Variants in PRRG4 observed in about 807,000 individuals in gnomAD.
PRRG4 encodes the protein proline rich and Gla domain 4.
PRRG4 carries 12 observed loss-of-function variants against 20.0 expected under a neutral mutation model. That is an observed-to-expected ratio of 0.60 (90% CI 0.38 to 0.97). The LOEUF is 0.97. Ranked by LOEUF, PRRG4 falls within the 50% of genes least tolerant of loss-of-function variation. PRRG4 has a pLI of 0.00. For missense variants in PRRG4, 199 were observed against 265.1 expected (o/e 0.75, Z 1.73); for synonymous variants, 94 against 96.4 (o/e 0.98, Z 0.15).
intron 5 of PRRG4, among the ~76,000 whole-genome samples, chr11:32,848,549 G>A (rs920888712): frequency 1.3e-5 from 2 of 151,414 alleles, no homozygotes; most frequent in African/African-American, 2.4e-5. Flanking sequence ...GATTAAAATG[G>A]AAAATTTAAT....
At chr11:32,843,846 T>C (rs1307094648) in intron 5 of PRRG4, among the ~76,000 whole-genome samples, 1 of 152,142 alleles carries the variant, frequency 6.6e-6, no homozygotes, top group Non-Finnish European at 1.5e-5. Context: ...GTCTCTGAAT[T>C]TTACTACAAT....
At chr11:32,845,920 C>T (rs1229188753) in intron 5 of PRRG4, among the ~76,000 whole-genome samples, 5 of 151,788 alleles carry the variant, frequency 3.3e-5, no homozygotes, top group South Asian at 2.1e-4. Context: ...TTTGGGAAGC[C>T]GAGGCAGGAA....
intron 5 of PRRG4, among the ~76,000 whole-genome samples, chr11:32,843,879 A>G (rs755982217): frequency 6.6e-6 from 1 of 152,180 alleles, no homozygotes; most frequent in Non-Finnish European, 1.5e-5. Context: ...AAGTGGAATC[A>G]TACAGTATTA....
intron 2 of PRRG4, 45 bp downstream of exon 2, chr11:32,830,677 A>G: frequency 6.2e-7 from 1 of 1,611,922 alleles, no homozygotes; most frequent in Non-Finnish European, 8.5e-7. Flanking sequence ...CATAGCACAG[A>G]TCTCAGTGAG....
chr11:32,839,859 A>T (rs183811190), intron 4 of PRRG4, among the ~76,000 whole-genome samples: 3,207 of 147,088 alleles, frequency 0.022, 53 homozygotes, highest in Non-Finnish European at 0.035. Context: ...ATATTTAAAA[A>T]ATATATATAT....
At chr11:32,835,342 T>C (rs563508476) in intron 2 of PRRG4, among the ~76,000 whole-genome samples, 6 of 152,380 alleles carry the variant, frequency 3.9e-5, no homozygotes, top group African/African-American at 1.4e-4. Flanking sequence ...TTCAATTGCC[T>C]ACTTTAATAC....
intron 5 of PRRG4, among the ~76,000 whole-genome samples, chr11:32,842,580 C>T (rs951761530): frequency 2.6e-5 from 4 of 151,724 alleles, no homozygotes; most frequent in Non-Finnish European, 5.9e-5. Context: ...ATTAGCCAGG[C>T]GTGGTGGCAC....
rs754511032 is a variant in PRRG4, at chr11:32,840,251, G to C, written c.449+12G>C. The C allele has an allele frequency of 2.6e-6, 4 of 1,561,172 alleles. No homozygotes were observed. The highest frequency in any genetic ancestry group is 2.3e-5 in the East Asian group (1 of 44,346). On this transcript the variant is annotated intron_variant, in intron 5 of 5. Coordinates refer to ENST00000257836, the MANE Select transcript of PRRG4 (RefSeq NM_024081.6). This position sits in a 1 kb window ranked among gnomAD's most constrained non-coding sequence, Gnocchi z 4.1. The stretch of plus-strand genomic sequence containing the variant: ...CTACAACATCCATGGTAAGTACTAA[G>C]TGAAATTATTTAATTCATCACTAGA...
chr11:32,845,673 TCAA>T (rs1851123618), intron 5 of PRRG4, among the ~76,000 whole-genome samples: 1 of 2,414 alleles, frequency 4.1e-4, no homozygotes, highest in Non-Finnish European at 5.4e-4. Flanking sequence ...GCTAGGAATG[TCAA>T]GTCAAGCAGG....
At chr11:32,849,617 T>C (rs1295653037) in intron 5 of PRRG4, among the ~76,000 whole-genome samples, 2 of 152,120 alleles carry the variant, frequency 1.3e-5, no homozygotes, top group African/African-American at 2.4e-5. Flanking sequence ...TGAGCCCAGA[T>C]TGCGCTTCTG....
At chr11:32,832,590 C>T (rs1403673437) in intron 2 of PRRG4, among the ~76,000 whole-genome samples, 2 of 149,704 alleles carry the variant, frequency 1.3e-5, no homozygotes, top group South Asian at 2.1e-4. Context: ...AAGCAATTCT[C>T]CTGCTTCAGC....
rs1851172495 is a variant in PRRG4 at position 32,850,486 on chromosome 11, G to A, written c.450-2810G>A. Among the ~76,000 whole-genome samples the A allele has an allele frequency of 3.3e-5, 5 of 152,214 alleles. No homozygotes were observed. In the South Asian group the frequency reaches 1.0e-3, roughly 32 times the overall value. ...ACATTAGCACAGTGTAATGCTTCTTGTTCACAGATCATCTTTATATCCATT... is the reference window on the plus strand; with the variant it reads ...ACATTAGCACAGTGTAATGCTTCTTATTCACAGATCATCTTTATATCCATT... On this transcript the variant is annotated intron_variant, in intron 5 of 5. Transcript: ENST00000257836.
At chr11:32,834,774 A>G (rs1851004876) in intron 2 of PRRG4, among the ~76,000 whole-genome samples, 1 of 151,736 alleles carries the variant, frequency 6.6e-6, no homozygotes, top group Non-Finnish European at 1.5e-5. Flanking sequence ...TGTGTATTTT[A>G]CACTTACAGC....
rs953891311 is a variant in PRRG4 at position 32,857,695 on chromosome 11, T to C, written c.*4168T>C. 1 of 152,236 alleles carries C rather than the reference T, an allele frequency of 6.6e-6. No individual in the cohort carries two copies. Among genetic ancestry groups the C allele is most frequent in the Non-Finnish European group, 1.5e-5 (1 of 68,032 alleles). The allele number at this position is 152,236 out of a possible 1,614,324, so 9.4% of individuals were successfully genotyped here. On this transcript the variant is annotated 3_prime_UTR_variant, in exon 6 of 6. Coordinates refer to ENST00000257836, the MANE Select transcript of PRRG4 (RefSeq NM_024081.6). Reference sequence around the variant, plus strand: ...CAAAAACTCAATTTCACATTACTCATATTGTTTTTGTTTTAATTGAATGTG... The same window carrying C: ...CAAAAACTCAATTTCACATTACTCACATTGTTTTTGTTTTAATTGAATGTG...
chr11:32,830,276 G>T lies in PRRG4; in HGVS notation c.-23+103G>T, dbSNP rs1395231745. On this transcript the variant is annotated intron_variant, in intron 1 of 5. Transcript: ENST00000257836. ...CGAACACATAGCGAGGGTTGCCCGC[G>T]GCGACAGGTGCCCGATCAGCCCTCG... The T allele has an allele frequency of 5.3e-6, 5 of 940,558 alleles. No individual in the cohort carries two copies. In the African/African-American group the frequency reaches 8.6e-5, roughly 16 times the overall value. 58.3% of individuals were successfully genotyped at this position (940,558 alleles called of 1,614,324 possible).
intron 5 of PRRG4, among the ~76,000 whole-genome samples, chr11:32,851,963 T>G (rs1851187121): frequency 6.6e-6 from 1 of 152,232 alleles, no homozygotes; most frequent in South Asian, 2.1e-4. Flanking sequence ...CTAAATAGAT[T>G]GATTTATTAA....
chr11:32,835,352 C>A (rs2133438999), intron 2 of PRRG4, among the ~76,000 whole-genome samples: 1 of 152,344 alleles, frequency 6.6e-6, no homozygotes, highest in East Asian at 1.9e-4. Context: ...TACTTTAATA[C>A]ATTCTTTCTT....
rs2133454055 is a variant in PRRG4 at position 32,854,327 on chromosome 11, G to A, written c.*800G>A. The A allele has an allele frequency of 6.6e-6, 1 of 152,292 alleles. No homozygotes were observed. The highest frequency in any genetic ancestry group is 1.5e-5 in the Non-Finnish European group (1 of 68,060). 9.4% of individuals were successfully genotyped at this position (152,292 alleles called of 1,614,324 possible). On this transcript the variant is annotated 3_prime_UTR_variant, in exon 6 of 6. Transcript: ENST00000257836. ...TCCCAGCACTTTGGGAGGGATAGGT[G>A]GGCGGATCACCTGAGGTCAGGAGTT...
chr11:32,855,467 T>G lies in PRRG4; in HGVS notation c.*1940T>G, dbSNP rs1439098604. 1.3e-5 allele frequency: 2 copies of G among 152,182 alleles called. No homozygotes were observed. The highest frequency in any genetic ancestry group is 4.8e-5 in the African/African-American group (2 of 41,446). The allele number at this position is 152,182 out of a possible 1,614,324, so 9.4% of individuals were successfully genotyped here. ...TTTTGTTTTATAATTTTTACAGGAG[T>G]GAGACTGCAAACCCACATGTTTGAT... is the stretch of plus-strand genomic sequence containing the variant. On this transcript the variant is annotated 3_prime_UTR_variant, in exon 6 of 6. Transcript: ENST00000257836.
Sources: allele counts gnomAD v4.1 joint callset (sites outside exome capture counted in the v4.1 genomes callset), GRCh38; gene constraint gnomAD v4.1.1; non-coding constraint Gnocchi (gnomAD v3.1); transcripts MANE v1.5; gene names NCBI Gene and HGNC (gene_info 2026-07-23, HGNC 2026-07-21).